Variants in NAV2 observed in about 807,000 individuals in gnomAD.
The protein encoded by NAV2 is neuron navigator 2.
NAV2 carries 54 observed loss-of-function variants against 223.2 expected under a neutral mutation model. The observed-to-expected ratio is 0.24, with a 90% CI of 0.19 to 0.30. The LOEUF is 0.30. NAV2 is among the 10% of genes least tolerant of loss of function. The pLI is 1.00. For synonymous variants in NAV2, 1,279 were observed against 1,239.3 expected (o/e 1.03, Z -0.67); for missense variants, 2,806 against 3,147.5 (o/e 0.89, Z 2.60).
At chr11:19,397,940 A>G (rs1590123020) in intron 1 of NAV2, among the ~76,000 whole-genome samples, 2 of 152,152 alleles carry the variant, frequency 1.3e-5, no homozygotes, top group Non-Finnish European at 2.9e-5. Flanking sequence ...TGTGATGGGA[A>G]TAGGGATAGT....
At chr11:19,842,991 C>A in intron 3 of NAV2, 68 bp downstream of exon 3, 3 of 1,339,300 alleles carry the variant, frequency 2.2e-6, no homozygotes, top group South Asian at 1.2e-5. Context: ...TGATATTGAC[C>A]ATCTTGAAAA....
intron 1 of NAV2, among the ~76,000 whole-genome samples, chr11:19,730,436 C>A (rs1226728812): frequency 6.6e-6 from 1 of 152,224 alleles, no homozygotes; most frequent in African/African-American, 2.4e-5. Flanking sequence ...TGAATGGACC[C>A]ATTGAGGCTC....
intron 22 of NAV2, among the ~76,000 whole-genome samples, chr11:20,077,183 A>G (rs760544542): frequency 1.2e-4 from 19 of 152,212 alleles, no homozygotes; most frequent in Non-Finnish European, 2.1e-4. Flanking sequence ...AGTGTATATC[A>G]GAAGTACAGT....
At chr11:19,582,209 G>T (rs1192756042) in intron 1 of NAV2, among the ~76,000 whole-genome samples, 2 of 152,172 alleles carry the variant, frequency 1.3e-5, no homozygotes, top group Non-Finnish European at 1.5e-5. Context: ...TGTTGATGGG[G>T]TTGTTTGTTT....
chr11:19,677,383 C>T lies in NAV2; in HGVS notation c.76-155101C>T, dbSNP rs552670921. ...AAGGCAGTGAGGTGGGCAAAGGCAGCACCTGGCCATGGTCTGGGTGCCTCC... is the reference window on the plus strand; with the variant it reads ...AAGGCAGTGAGGTGGGCAAAGGCAGTACCTGGCCATGGTCTGGGTGCCTCC... On this transcript the variant is annotated intron_variant, in intron 1 of 37. Transcript: ENST00000360655. 3.3e-5 allele frequency among the ~76,000 whole-genome samples: 5 copies of T among 152,356 alleles called. No homozygotes were observed. In the South Asian group the frequency reaches 1.0e-3, roughly 32 times the overall value.
At chr11:19,528,397 G>A (rs942301553) in intron 1 of NAV2, among the ~76,000 whole-genome samples, 8 of 152,174 alleles carry the variant, frequency 5.3e-5, no homozygotes, top group South Asian at 2.1e-4. Context: ...AGAACAGTGC[G>A]CCATGTCTCT....
rs10590815 is a variant in NAV2, at chr11:20,107,057, A to ATTTTTTTTTT, written c.6842-578_6842-569dup. Among the ~76,000 whole-genome samples the ATTTTTTTTTT allele has an allele frequency of 1.5e-4, 4 of 27,254 alleles. 1 individual carries two copies. Among genetic ancestry groups the ATTTTTTTTTT allele is most frequent in the African/African-American group, 5.4e-4 (4 of 7,388 alleles). The allele number at this position is 27,254 out of a possible 152,430, so 17.9% of individuals were successfully genotyped here. A position where few individuals can be genotyped will look rare whatever the true frequency, so the allele number is the denominator to read the frequency against. On this transcript the variant is annotated intron_variant, in intron 35 of 37. Transcript: ENST00000349880. ...TTTGGACTTGCAGTCATGGGCTTCC[A>ATTTTTTTTTT]TTTTTTTTTTTTTTTTTTTTTTTTT...
At chr11:19,406,367 G>A (rs572940194) in intron 1 of NAV2, among the ~76,000 whole-genome samples, 42 of 152,284 alleles carry the variant, frequency 2.8e-4, no homozygotes, top group Admixed American at 4.6e-4. Flanking sequence ...TAAACAATAC[G>A]AATGGGGAAG....
intron 1 of NAV2, among the ~76,000 whole-genome samples, chr11:19,409,372 T>A (rs896091738): frequency 2.6e-5 from 4 of 152,228 alleles, no homozygotes; most frequent in Non-Finnish European, 5.9e-5. Context: ...ACTTGATTTC[T>A]TTTTGAACCT....
At chr11:19,935,853 T>TTTTTTTTTTTG (rs2045819687) in intron 7 of NAV2, among the ~76,000 whole-genome samples, 20 of 87,972 alleles carry the variant, frequency 2.3e-4, no homozygotes, top group Admixed American at 5.5e-4. Context: ...TTGTTTCTGT[T>TTTTTTTTTTTG]TTTTTTTTTT....
intron 1 of NAV2, among the ~76,000 whole-genome samples, chr11:19,657,728 C>T (rs1590047464): frequency 6.6e-6 from 1 of 152,272 alleles, no homozygotes; most frequent in Non-Finnish European, 1.5e-5. Context: ...CTCTGCGGCT[C>T]CAGACCCCTA....
chr11:20,106,914 G>A (rs1427799202), intron 35 of NAV2, among the ~76,000 whole-genome samples: 1 of 151,930 alleles, frequency 6.6e-6, no homozygotes, highest in Non-Finnish European at 1.5e-5. Context: ...CCAAAGTGCT[G>A]GGATTACAGG....
intron 1 of NAV2, among the ~76,000 whole-genome samples, chr11:19,797,885 A>T (rs980986516): frequency 6.6e-6 from 1 of 152,124 alleles, no homozygotes; most frequent in African/African-American, 2.4e-5. Flanking sequence ...CATGATGGGC[A>T]TGTGTATGGT....
rs1270075623 is a variant in NAV2 at position 19,575,105 on chromosome 11, G to T, written c.75+224078G>T. ...GGGTTGGCTGCACTTAAGATCCGGG[G>T]TGCTGCCAGGATGTTCTTTTTGCAG... On this transcript the variant is annotated intron_variant, in intron 1 of 37. Transcript: ENST00000360655. Among the ~76,000 whole-genome samples, 4 of 152,204 alleles carry T rather than the reference G, an allele frequency of 2.6e-5. No homozygotes were observed. The East Asian group carries it at 7.7e-4, about 29-fold the overall frequency.
intron 10 of NAV2, among the ~76,000 whole-genome samples, chr11:19,972,932 C>T (rs1591487146): frequency 6.6e-6 from 1 of 152,214 alleles, no homozygotes; most frequent in Non-Finnish European, 1.5e-5. Flanking sequence ...ACATGTGACT[C>T]TATGTGAGCC....
In NAV2 at chr11:19,818,925, C is replaced by T. The variant is rs117104228; in HGVS notation, c.268-13559C>T. 7.9e-3 allele frequency among the ~76,000 whole-genome samples: 1,201 copies of T among 152,262 alleles called. 13 individuals are homozygous for T. Among genetic ancestry groups the T allele is most frequent in the South Asian group, 0.042 (203 of 4,824 alleles). On this transcript the variant is annotated intron_variant, in intron 1 of 37. Coordinates refer to ENST00000349880, the MANE Select transcript of NAV2 (RefSeq NM_145117.5). ...TTAGTCCATCTGTCTATTTGTGCAT[C>T]CCCCACCATTTAATCATTCATCTCT...
At chr11:19,392,608 T>C (rs1351164785) in intron 1 of NAV2, among the ~76,000 whole-genome samples, 1 of 152,202 alleles carries the variant, frequency 6.6e-6, no homozygotes, top group Non-Finnish European at 1.5e-5. Context: ...TGTACTGCCT[T>C]TTGTGACCTA....
chr11:20,040,798 G>A lies in NAV2; in HGVS notation c.2908-3183G>A, dbSNP rs960531099. Among the ~76,000 whole-genome samples the A allele has an allele frequency of 3.3e-5, 5 of 152,340 alleles. No individual in the cohort carries two copies. In the East Asian group the frequency reaches 7.7e-4, roughly 23 times the overall value. ...GATAGAACTCTTCGTACGTCCCCAT[G>A]TGGATGTCCTGTTGGCTGGTTCCGC... On this transcript the variant is annotated intron_variant, in intron 12 of 37. Coordinates refer to ENST00000349880, the MANE Select transcript of NAV2 (RefSeq NM_145117.5).
At chr11:19,612,545 T>C (rs986637698) in intron 1 of NAV2, among the ~76,000 whole-genome samples, 1 of 152,264 alleles carries the variant, frequency 6.6e-6, no homozygotes, top group South Asian at 2.1e-4. Flanking sequence ...CTAAATCATC[T>C]CTCTCAAGTT....
Sources: allele counts gnomAD v4.1 joint callset (sites outside exome capture counted in the v4.1 genomes callset), GRCh38; gene constraint gnomAD v4.1.1; transcripts MANE v1.5; gene names NCBI Gene and HGNC (gene_info 2026-07-23, HGNC 2026-07-21).